Variants in SBF2 observed in about 807,000 individuals in gnomAD.
SBF2 encodes the protein myotubularin-related protein 13.
A neutral mutation model predicts 225.2 loss-of-function variants in SBF2; 112 were observed. The observed-to-expected ratio is 0.50, with a 90% CI of 0.43 to 0.58. SBF2 has a LOEUF of 0.58. Among genes scored for constraint, SBF2 ranks in the 20% least tolerant of loss-of-function variants. SBF2 has a pLI of 0.00. For missense variants in SBF2, 1,996 were observed against 2,206.2 expected, an observed-to-expected ratio of 0.90 and a Z score of 1.91; for synonymous variants, 763 against 773.3, an observed-to-expected ratio of 0.99 and a Z score of 0.22.
At chr11:9,818,506 AG>A (rs937903520) in intron 28 of SBF2, among the ~76,000 whole-genome samples, 15 of 152,178 alleles carry the variant, frequency 9.9e-5, no homozygotes, top group Non-Finnish European at 2.1e-4. Flanking sequence ...ACAGGGATAC[AG>A]GACTTTCCTA....
At chr11:10,071,624 C>T (rs368339536) in intron 2 of SBF2, among the ~76,000 whole-genome samples, 1 of 152,224 alleles carries the variant, frequency 6.6e-6, no homozygotes, top group East Asian at 1.9e-4. Flanking sequence ...ATGATATTGG[C>T]TGTGGGTTTG....
At chr11:10,033,661 TAA>T (rs1433091366) in intron 3 of SBF2, among the ~76,000 whole-genome samples, 2 of 39,200 alleles carry the variant, frequency 5.1e-5, no homozygotes, top group African/African-American at 1.5e-4. Context: ...CTGCTGTGAT[TAA>T]ACACACACAC....
chr11:10,292,249 C>A (rs998103777), intron 1 of SBF2, among the ~76,000 whole-genome samples: 1 of 152,196 alleles, frequency 6.6e-6, no homozygotes, highest in African/African-American at 2.4e-5. Flanking sequence ...TGTAGGAGAA[C>A]ATTCTTGTTT....
chr11:10,242,278 C>CTG (rs1959290017), intron 1 of SBF2, among the ~76,000 whole-genome samples: 1 of 151,928 alleles, frequency 6.6e-6, no homozygotes, highest in African/African-American at 2.4e-5. Flanking sequence ...GAAGTTAAGA[C>CTG]TGTATCAGCT....
chr11:10,283,500 T>C (rs1432620104), intron 1 of SBF2, among the ~76,000 whole-genome samples: 1 of 151,860 alleles, frequency 6.6e-6, no homozygotes, highest in Non-Finnish European at 1.5e-5. Context: ...ATGTCGAATG[T>C]TCTCTAACAT....
chr11:10,109,377 G>A (rs947392716), intron 2 of SBF2, among the ~76,000 whole-genome samples: 1 of 152,162 alleles, frequency 6.6e-6, no homozygotes, highest in Admixed American at 6.5e-5. Context: ...TAATTCACAT[G>A]ACTAGCAGCT....
chr11:9,966,339 C>T (rs1386577115), intron 14 of SBF2, among the ~76,000 whole-genome samples: 1 of 152,224 alleles, frequency 6.6e-6, no homozygotes, highest in African/African-American at 2.4e-5. Flanking sequence ...ATCCGCCCAC[C>T]TTGGCTTCCC....
At chr11:10,294,313 T>C (rs1964388564), upstream of SBF2, 1 of 338,924 alleles carries the variant, frequency 3.0e-6, no homozygotes, top group Non-Finnish European at 5.3e-6. Context: ...ACCTCCACCC[T>C]CCGCGGGCCT....
chr11:9,828,361 A>G, intron 28 of SBF2: 1 of 1,158,826 alleles, frequency 8.6e-7, no homozygotes, highest in Non-Finnish European at 1.1e-6. Flanking sequence ...TTTATTAGAG[A>G]TAACAAGGCA....
intron 32 of SBF2, 132 bp from the exon 33 acceptor site, chr11:9,796,089 C>T (rs1451817749): frequency 3.3e-6 from 3 of 899,554 alleles, no homozygotes; most frequent in Non-Finnish European, 5.3e-6. Flanking sequence ...TGAATCCCTA[C>T]CATAAGTAGA....
intron 17 of SBF2, among the ~76,000 whole-genome samples, chr11:9,863,914 A>G (rs1461471769): frequency 6.6e-6 from 1 of 152,206 alleles, no homozygotes; most frequent in Non-Finnish European, 1.5e-5. Context: ...TAAAGAATAC[A>G]TAAGTTATAT....
At chr11:10,057,783 G>A (rs1160578276) in intron 2 of SBF2, among the ~76,000 whole-genome samples, 3 of 152,128 alleles carry the variant, frequency 2.0e-5, no homozygotes, top group Non-Finnish European at 4.4e-5. Flanking sequence ...GAGGGAACAT[G>A]GCTACAACTG....
rs944386968 is a variant in SBF2, at chr11:10,173,219, G to A, written c.141+20683C>T. On this transcript the variant is annotated intron_variant, in intron 2 of 39. Coordinates refer to ENST00000256190, the MANE Select transcript of SBF2 (RefSeq NM_030962.4). ...TCCCAGCGTGAGCGACGCAGAAGAC[G>A]GGTGATTTCTGCATTTCCATCTGAG... Among the ~76,000 whole-genome samples, 13 of 152,322 alleles carry A rather than the reference G, an allele frequency of 8.5e-5. No homozygotes were observed. In the East Asian group the frequency reaches 1.5e-3, roughly 18 times the overall value.
chr11:9,989,747 T>C, intron 12 of SBF2, 152 bp from the exon 13 acceptor site: 2 of 597,966 alleles, frequency 3.3e-6, no homozygotes, highest in Non-Finnish European at 5.9e-6. Context: ...TTCACCTCCA[T>C]TCTGGGGTTA....
At chr11:10,186,130 T>G (rs182383176) in intron 2 of SBF2, among the ~76,000 whole-genome samples, 1 of 152,342 alleles carries the variant, frequency 6.6e-6, no homozygotes, top group Non-Finnish European at 1.5e-5. Flanking sequence ...TATTTATATT[T>G]ACCACTTGAT....
chr11:9,878,856 C>T (rs1859509583), intron 17 of SBF2, among the ~76,000 whole-genome samples: 1 of 152,208 alleles, frequency 6.6e-6, no homozygotes, highest in African/African-American at 2.4e-5. Context: ...AGTACTGAAA[C>T]ATGCCTATGA....
chr11:10,168,075 T>G (rs933151000), intron 2 of SBF2, among the ~76,000 whole-genome samples: 1 of 152,048 alleles, frequency 6.6e-6, no homozygotes, highest in African/African-American at 2.4e-5. Context: ...TGTTTTACTG[T>G]TTTTTTACAG....
chr11:10,099,745 G>A (rs1234647171), intron 2 of SBF2, among the ~76,000 whole-genome samples: 2 of 152,080 alleles, frequency 1.3e-5, no homozygotes, highest in African/African-American at 2.4e-5. Flanking sequence ...TTGTATGTGA[G>A]GGAATTTAAG....
At chr11:10,265,499 G>A (rs1040982410) in intron 1 of SBF2, among the ~76,000 whole-genome samples, 1 of 110,074 alleles carries the variant, frequency 9.1e-6, no homozygotes. Flanking sequence ...AAATCGGGGG[G>A]GGGGAGAGGT....
Sources: gnomAD v4.1 joint callset for allele counts (sites outside exome capture counted in the v4.1 genomes callset) on GRCh38, gnomAD v4.1.1 for gene constraint, MANE v1.5 for transcripts, NCBI Gene and HGNC (gene_info 2026-07-23, HGNC 2026-07-21) for gene names.